AP3B2: variants seen among roughly 807,000 people sequenced by gnomAD.
AP3B2 encodes adaptor related protein complex 3 subunit beta 2, also known as AP-3 complex subunit beta-2.
AP3B2 carries 50 observed loss-of-function variants against 126.9 expected under a neutral mutation model. The ratio of observed to expected loss-of-function variants is 0.39; its 90% CI spans 0.31 to 0.50. AP3B2 has a LOEUF of 0.50. AP3B2 is among the 20% of genes least tolerant of loss of function. AP3B2 has a pLI of 0.79. For missense variants in AP3B2, 1,177 were observed against 1,426.4 expected (o/e 0.83, Z 2.82); for synonymous variants, 541 against 565.0 (o/e 0.96, Z 0.60).
Position 82,664,751 on chromosome 15 carries a change from A to G in AP3B2, c.2137+84T>C, listed in dbSNP as rs1297541743. 23 of 1,141,752 alleles carry G rather than the reference A, an allele frequency of 2.0e-5. No homozygotes were observed. Among genetic ancestry groups the G allele is most frequent in the East Asian group, 1.8e-4 (7 of 39,056 alleles). 70.7% of individuals were successfully genotyped at this position (1,141,752 alleles called of 1,614,324 possible). A position where few individuals can be genotyped will look rare whatever the true frequency, so the allele number is the denominator to read the frequency against. On this transcript the variant is annotated intron_variant, in intron 18 of 26. Transcript: ENST00000535359. The surrounding 1 kb of genome is among the most constrained non-coding windows in gnomAD (Gnocchi z 4.5). ...GCAGGTGCACACCCCTAGACACACAACCATATACATATACCCCTCATATAG... is the reference window on the plus strand; with the variant it reads ...GCAGGTGCACACCCCTAGACACACAGCCATATACATATACCCCTCATATAG...
intron 14 of AP3B2, 38 bp from the exon 15 acceptor site, chr15:82,666,971 GA>G: frequency 6.3e-7 from 1 of 1,584,390 alleles, no homozygotes; most frequent in African/African-American, 1.3e-5. Context: ...CTGACGGGGG[GA>G]TGGGGACACA....
intron 4 of AP3B2, among the ~76,000 whole-genome samples, chr15:82,682,047 CTTTTTTTTTT>C (rs769028602): frequency 2.5e-5 from 2 of 79,944 alleles, no homozygotes; most frequent in African/African-American, 5.5e-5. Flanking sequence ...TAGGCCCTTC[CTTTTTTTTTT>C]TTTTTTTTTT....
At chr15:82,666,600 A>T (rs2048063515) in intron 15 of AP3B2, 147 bp downstream of exon 15, 1 of 835,712 alleles carries the variant, frequency 1.2e-6, no homozygotes, top group South Asian at 1.9e-5. Flanking sequence ...CTGGTGCCAC[A>T]GGAGGGACAA....
chr15:82,681,139 A>T lies in AP3B2; in HGVS notation c.561T>A (p.Ile187=). The T allele has an allele frequency of 1.2e-6, 2 of 1,613,208 alleles. No homozygotes were observed. Among genetic ancestry groups the T allele is most frequent in the Non-Finnish European group, 1.7e-6 (2 of 1,179,596 alleles). ...TGGTCTTGTCAGCCAGAAGCTTCTC[A>T]ATGACTTCTATCAGCTGATCCTTCT... ...SDQKDQLIEV[I]EKLLADKTTL... Residue 187 remains isoleucine, a synonymous_variant, in exon 6 of 27, where the codon ATT becomes ATA. Transcript: ENST00000535359. This position sits in a 1 kb window ranked among gnomAD's most constrained non-coding sequence, Gnocchi z 4.0.
At chr15:82,706,983 G>A (rs1184256565) in intron 1 of AP3B2, among the ~76,000 whole-genome samples, 3 of 150,666 alleles carry the variant, frequency 2.0e-5, no homozygotes, top group African/African-American at 2.4e-5. Flanking sequence ...ACTAAAATAC[G>A]TCTTGGTCTG....
chr15:82,665,235 C>G lies in AP3B2; in HGVS notation c.2028+12G>C. 1.3e-6 allele frequency: 2 copies of G among 1,537,684 alleles called. No individual in the cohort carries two copies. Among genetic ancestry groups the G allele is most frequent in the Middle Eastern group, 1.7e-4 (1 of 5,988 alleles). ...GGCAGGGGAGAGAGCACACGTCACA[C>G]GAAGGTGGGACCTCAGTGTATTCGC... On this transcript the variant is annotated intron_variant, in intron 17 of 26. Transcript: ENST00000535359. This position sits in a 1 kb window ranked among gnomAD's most constrained non-coding sequence, Gnocchi z 4.4.
intron 14 of AP3B2, among the ~76,000 whole-genome samples, chr15:82,675,041 A>G (rs892723553): frequency 6.6e-6 from 1 of 152,140 alleles, no homozygotes; most frequent in Non-Finnish European, 1.5e-5. Flanking sequence ...CATCTTTTCA[A>G]ACATTCCTCC....
At chr15:82,698,338 A>C (rs1198296559) in intron 1 of AP3B2, among the ~76,000 whole-genome samples, 2 of 151,822 alleles carry the variant, frequency 1.3e-5, no homozygotes, top group Admixed American at 1.3e-4. Context: ...AACCCCCCAG[A>C]CATATACCAC....
rs1236972788 is a variant in AP3B2 at position 82,665,457 on chromosome 15, C to G, written c.1971G>C (p.Glu657Asp). ...CACTTCAACCCTCCACCCCGCTGAC[C>G]TCCACGTTGCGCACAGATGGGTCTG... ...EAPDPSVRNV[E>D]EEDLSLIETH... Residue 657 changes from glutamate to aspartate, a missense_variant and splice_region_variant, in exon 16 of 27, where the codon GAG (glutamate) becomes GAC (aspartate). Around this residue, in one of 5 missense-constraint regions of AP3B2, gnomAD observed 587 missense variants for 571.3 expected, o/e 1.03. Transcript: ENST00000535359. The surrounding 1 kb of genome is among the most constrained non-coding windows in gnomAD (Gnocchi z 4.4). The G allele has an allele frequency of 6.2e-7, 1 of 1,611,376 alleles. No individual in the cohort carries two copies. The highest frequency in any genetic ancestry group is 8.5e-7 in the Non-Finnish European group (1 of 1,178,440).
chr15:82,679,248 C>A lies in AP3B2; in HGVS notation c.1182+481G>T, dbSNP rs907261936. ...AGGCAATTCTCTAGCCTCAGCCTCT[C>A]GAGTAGCTGGGATTACAGGCACCTG... On this transcript the variant is annotated intron_variant, in intron 10 of 26. Transcript: ENST00000535359. 5.3e-5 allele frequency among the ~76,000 whole-genome samples: 8 copies of A among 152,290 alleles called. No individual in the cohort carries two copies. In the East Asian group the frequency reaches 1.2e-3, roughly 22 times the overall value.
Position 82,689,457 on chromosome 15 carries a change from G to A in AP3B2, c.114-4C>T, listed in dbSNP as rs779484120. The A allele has an allele frequency of 2.7e-5, 44 of 1,612,940 alleles. No individual in the cohort carries two copies. In the Middle Eastern group the frequency reaches 8.2e-4, roughly 30 times the overall value. On this transcript the variant is annotated splice_region_variant and splice_polypyrimidine_tract_variant and intron_variant, in intron 1 of 26. Coordinates refer to ENST00000535359, the MANE Select transcript of AP3B2 (RefSeq NM_001278512.2). Reference sequence around the variant, plus strand: ...CATCTCCTTCAGGTCATCATGCCTGGTGGGAGGTACAAGAAGTCAGCTGAG... The same window carrying A: ...CATCTCCTTCAGGTCATCATGCCTGATGGGAGGTACAAGAAGTCAGCTGAG...
intron 1 of AP3B2, among the ~76,000 whole-genome samples, chr15:82,705,668 C>G (rs1257808903): frequency 6.6e-6 from 1 of 152,218 alleles, no homozygotes; most frequent in Non-Finnish European, 1.5e-5. Context: ...AAATTTCTTC[C>G]TCATCCATTA....
intron 14 of AP3B2, among the ~76,000 whole-genome samples, chr15:82,669,629 T>C (rs1162991901): frequency 1.3e-5 from 2 of 150,416 alleles, no homozygotes; most frequent in African/African-American, 2.5e-5. Context: ...GAGGTGAAGG[T>C]TGCAGTGAGC....
At chr15:82,693,698 T>C (rs1477011398) in intron 1 of AP3B2, among the ~76,000 whole-genome samples, 1 of 152,126 alleles carries the variant, frequency 6.6e-6, no homozygotes, top group African/African-American at 2.4e-5. Context: ...CTAGGTTTAA[T>C]TGGTACGTTT....
In AP3B2 at chr15:82,664,383, C is replaced by A; in HGVS notation, c.2245G>T (p.Gly749Trp). The change falls in exon 19 of 27, where the codon GGG (glycine) becomes TGG (tryptophan). Residue 749 changes from glycine (G) to tryptophan (W), a missense_variant. Coordinates refer to ENST00000535359, the MANE Select transcript of AP3B2 (RefSeq NM_001278512.2). This position sits in a 1 kb window ranked among gnomAD's most constrained non-coding sequence, Gnocchi z 4.5. Reference sequence around the variant, plus strand: ...CCTTCTCACCTCTCACTGCCTCTCCCTTTCTCCTCATCCTCATCCTGGTCT... The same window carrying A: ...CCTTCTCACCTCTCACTGCCTCTCCATTTCTCCTCATCCTCATCCTGGTCT... ...NEDQDEDEEK[G>W]RGSESEQSEE... 1 of 1,613,978 alleles carries A rather than the reference C, an allele frequency of 6.2e-7. No homozygotes were observed. The highest frequency in any genetic ancestry group is 1.3e-5 in the African/African-American group (1 of 75,064).
intron 14 of AP3B2, among the ~76,000 whole-genome samples, chr15:82,669,845 T>C (rs1020853100): frequency 6.9e-6 from 1 of 145,938 alleles, no homozygotes; most frequent in African/African-American, 2.5e-5. Context: ...CTACTAAAAA[T>C]ACAAAATTAG....
At chr15:82,688,707 G>A (rs546578819) in intron 4 of AP3B2, 29 bp downstream of exon 4, 2 of 1,583,694 alleles carry the variant, frequency 1.3e-6, no homozygotes, top group African/African-American at 2.7e-5. Flanking sequence ...CGAGGCCCAG[G>A]CCCTGGGAGG....
At chr15:82,691,874 G>A in intron 1 of AP3B2, 11 of 1,273,196 alleles carry the variant, frequency 8.6e-6, no homozygotes, top group East Asian at 2.3e-5. Flanking sequence ...ACTATCATGA[G>A]AGTGGAATTT....
chr15:82,693,303 A>ATT (rs1250745325), intron 1 of AP3B2, among the ~76,000 whole-genome samples: 1 of 150,462 alleles, frequency 6.6e-6, no homozygotes, highest in African/African-American at 2.4e-5. Context: ...CTGGAGTGCA[A>ATT]TGGCACGATC....
Sources: gnomAD v4.1 joint callset for allele counts (sites outside exome capture counted in the v4.1 genomes callset) on GRCh38, gnomAD v4.1.1 for gene constraint, gnomAD v4.1.1 regional missense constraint, Gnocchi (gnomAD v3.1) non-coding constraint, MANE v1.5 for transcripts, NCBI Gene and HGNC (gene_info 2026-07-23, HGNC 2026-07-21) for gene names.